Variants in MMP16 observed in about 807,000 individuals in gnomAD.
The protein encoded by MMP16 is matrix metalloproteinase-16.
A neutral mutation model predicts 67.8 loss-of-function variants in MMP16; 12 were observed. The ratio of observed to expected loss-of-function variants is 0.18; its 90% CI spans 0.11 to 0.29. MMP16 has a LOEUF of 0.29. MMP16 is among the 10% of genes least tolerant of loss of function. MMP16 has a pLI of 1.00. For missense variants in MMP16, 475 were observed against 765.7 expected (o/e 0.62, Z 4.48); for synonymous variants, 249 against 255.9 (o/e 0.97, Z 0.26).
At chr8:88,309,448 A>AG (rs896465789) in intron 1 of MMP16, among the ~76,000 whole-genome samples, 3 of 151,090 alleles carry the variant, frequency 2.0e-5, no homozygotes, top group African/African-American at 4.9e-5. Context: ...GGTAGGAGGG[A>AG]GGGGGGGAAC....
chr8:88,252,575 C>T (rs1275236333), intron 1 of MMP16, among the ~76,000 whole-genome samples: 1 of 150,662 alleles, frequency 6.6e-6, no homozygotes, highest in Non-Finnish European at 1.5e-5. Flanking sequence ...AAATCAAGAT[C>T]CAGATATAAA....
chr8:88,214,829 A>G (rs1586208623), intron 1 of MMP16, among the ~76,000 whole-genome samples: 1 of 152,082 alleles, frequency 6.6e-6, no homozygotes, highest in Admixed American at 6.6e-5. Context: ...CATGTCCCCC[A>G]TCTCTAGTCC....
intron 1 of MMP16, among the ~76,000 whole-genome samples, chr8:88,220,877 G>A (rs773589891): frequency 1.3e-5 from 2 of 152,078 alleles, no homozygotes; most frequent in Non-Finnish European, 2.9e-5. Flanking sequence ...TTGAGTATAT[G>A]TATTTCTGTT....
chr8:88,117,580 A>T lies in MMP16; in HGVS notation c.872-862T>A, dbSNP rs1044571710. Among the ~76,000 whole-genome samples, 65 of 152,118 alleles carry T rather than the reference A, an allele frequency of 4.3e-4. 1 individual carries two copies. The highest frequency in any genetic ancestry group is 3.7e-3 in the Admixed American group (56 of 15,254). ...ACTTAAGAAGAATTTCTGATGACAC[A>T]CACTTAGAAATAGGATAGCTCAATT... On this transcript the variant is annotated intron_variant, in intron 5 of 9. Transcript: ENST00000286614.
intron 1 of MMP16, among the ~76,000 whole-genome samples, chr8:88,294,953 T>G (rs938256168): frequency 1.3e-5 from 2 of 152,306 alleles, no homozygotes; most frequent in Middle Eastern, 3.4e-3. Flanking sequence ...CCTTGGGTGA[T>G]CCAACCATCT....
At chr8:88,072,935 C>T (rs537165962) in intron 7 of MMP16, among the ~76,000 whole-genome samples, 1 of 152,242 alleles carries the variant, frequency 6.6e-6, no homozygotes, top group South Asian at 2.1e-4. Flanking sequence ...AGCCATGCCA[C>T]AAGAGAGTGA....
chr8:88,258,856 C>G (rs892580362), intron 1 of MMP16, among the ~76,000 whole-genome samples: 1 of 152,124 alleles, frequency 6.6e-6, no homozygotes, highest in Non-Finnish European at 1.5e-5. Context: ...GAAATTAAGT[C>G]AAAATATTTG....
At chr8:88,240,245 G>A (rs143324351) in intron 1 of MMP16, among the ~76,000 whole-genome samples, 2 of 152,150 alleles carry the variant, frequency 1.3e-5, no homozygotes, top group Non-Finnish European at 1.5e-5. Context: ...CAATGGGCTC[G>A]GCCATGGTAC....
intron 1 of MMP16, among the ~76,000 whole-genome samples, chr8:88,222,220 T>C (rs935010806): frequency 1.3e-5 from 2 of 152,020 alleles, no homozygotes; most frequent in Non-Finnish European, 2.9e-5. Flanking sequence ...AAAAATACTA[T>C]AAATAGCAAC....
At chr8:88,063,936 T>C (rs1808432934) in intron 7 of MMP16, among the ~76,000 whole-genome samples, 1 of 152,104 alleles carries the variant, frequency 6.6e-6, no homozygotes. Context: ...ATATCCTTTG[T>C]GCCTTATTAC....
chr8:88,278,557 A>T (rs1217679902), intron 1 of MMP16, among the ~76,000 whole-genome samples: 1 of 152,214 alleles, frequency 6.6e-6, no homozygotes, highest in East Asian at 1.9e-4. Flanking sequence ...CACATGATGT[A>T]GGCTCTGAAA....
chr8:88,146,592 G>C (rs1222637784), intron 4 of MMP16, among the ~76,000 whole-genome samples: 1 of 151,668 alleles, frequency 6.6e-6, no homozygotes, highest in East Asian at 1.9e-4. Flanking sequence ...CTAGATTGTT[G>C]CTTGCAACCA....
intron 3 of MMP16, among the ~76,000 whole-genome samples, chr8:88,170,708 A>G (rs931052007): frequency 3.3e-5 from 5 of 152,170 alleles, no homozygotes; most frequent in Non-Finnish European, 7.3e-5. Flanking sequence ...CAGGAGTTCA[A>G]TGGCAGAAGG....
At chr8:88,130,586 T>C (rs2118470860) in intron 4 of MMP16, among the ~76,000 whole-genome samples, 1 of 151,932 alleles carries the variant, frequency 6.6e-6, no homozygotes, top group African/African-American at 2.4e-5. Flanking sequence ...GCAAAATATC[T>C]TGTCTTATTT....
chr8:88,177,306 C>T (rs1808908872), intron 3 of MMP16, among the ~76,000 whole-genome samples: 1 of 152,056 alleles, frequency 6.6e-6, no homozygotes, highest in Admixed American at 6.5e-5. Flanking sequence ...TCAAACCTCA[C>T]AAGAAATAAA....
intron 1 of MMP16, among the ~76,000 whole-genome samples, chr8:88,205,825 A>G (rs1460297153): frequency 6.6e-6 from 1 of 152,120 alleles, no homozygotes; most frequent in Non-Finnish European, 1.5e-5. Flanking sequence ...ACCTCAGCCA[A>G]ATGTCCAGAC....
intron 7 of MMP16, among the ~76,000 whole-genome samples, chr8:88,064,571 G>C (rs778787753): frequency 1.3e-5 from 2 of 151,948 alleles, no homozygotes; most frequent in Non-Finnish European, 2.9e-5. Flanking sequence ...GGGAAATAAT[G>C]AGAGATCAAA....
At chr8:88,142,410 T>C (rs10106619) in intron 4 of MMP16, among the ~76,000 whole-genome samples, 29,617 of 152,000 alleles carry the variant, frequency 0.19, 3,301 homozygotes, top group Non-Finnish European at 0.25. Flanking sequence ...CAATTGTACA[T>C]ATAGCTGCCC....
At chr8:88,190,157 A>G (rs556584628) in intron 2 of MMP16, among the ~76,000 whole-genome samples, 4 of 152,206 alleles carry the variant, frequency 2.6e-5, no homozygotes, top group Non-Finnish European at 4.4e-5. Context: ...ATATAATATC[A>G]ACTAATGATT....
Sources: gnomAD v4.1 joint callset for allele counts (sites outside exome capture counted in the v4.1 genomes callset) on GRCh38, gnomAD v4.1.1 for gene constraint, MANE v1.5 for transcripts, NCBI Gene and HGNC (gene_info 2026-07-23, HGNC 2026-07-21) for gene names.